The following GLRA3 variants were observed in gnomAD, a reference collection of about 807,000 sequenced individuals.
GLRA3 encodes glycine receptor alpha 3, also known as glycine receptor subunit alpha-3.
GLRA3 carries 44 observed loss-of-function variants against 60.4 expected under a neutral mutation model. The observed-to-expected ratio is 0.73, with a 90% CI of 0.57 to 0.94. The LOEUF (loss-of-function observed/expected upper bound fraction) is 0.94, where lower values mean the gene tolerates loss of function less well. Ranked by LOEUF, GLRA3 falls within the 40% of genes least tolerant of loss-of-function variation. The pLI is 0.00. For missense variants in GLRA3, 508 were observed against 564.6 expected (o/e 0.90, Z 1.02); for synonymous variants, 223 against 192.9 (o/e 1.16, Z -1.29).
intron 3 of GLRA3, among the ~76,000 whole-genome samples, chr4:174,732,715 T>C (rs1199354305): frequency 6.6e-6 from 1 of 152,094 alleles, no homozygotes; most frequent in Non-Finnish European, 1.5e-5. Context: ...ATGCTGGAGA[T>C]ATAATGTATG....
At position 174,659,178 on chromosome 4, in the gene GLRA3, A is replaced by C; in HGVS notation, c.947T>G (p.Ile316Ser). 6.2e-7 allele frequency: 1 copy of C among 1,612,294 alleles called. No homozygotes were observed. Among genetic ancestry groups the C allele is most frequent in the Non-Finnish European group, 8.5e-7 (1 of 1,178,964 alleles). ...GAGGCATACTGCCATCCAAATATCA[A>C]TAGCTTTGACATATGAAACCTAGCC... ...SLPKVSYVKA[I>S]DIWMAVCLLF... Residue 316 changes from isoleucine to serine, a missense_variant, in exon 8 of 10, where the codon ATT becomes AGT. Ile to Ser is a moderately radical substitution (Grantham distance 142, BLOSUM62 -2). Transcript: ENST00000274093.
At chr4:174,756,299 G>C (rs1579558093) in intron 3 of GLRA3, among the ~76,000 whole-genome samples, 1 of 152,258 alleles carries the variant, frequency 6.6e-6, no homozygotes, top group East Asian at 1.9e-4. Flanking sequence ...TCTTGACATT[G>C]TAAGAAAATA....
chr4:174,775,307 A>G (rs1393832055), intron 2 of GLRA3, among the ~76,000 whole-genome samples: 1 of 152,190 alleles, frequency 6.6e-6, no homozygotes, highest in Non-Finnish European at 1.5e-5. Context: ...ATTTACCCTA[A>G]TAAAAATGCA....
At chr4:174,670,221 A>G (rs1171236472) in intron 7 of GLRA3, among the ~76,000 whole-genome samples, 1 of 152,140 alleles carries the variant, frequency 6.6e-6, no homozygotes, top group Non-Finnish European at 1.5e-5. Context: ...CTAAATTATA[A>G]TTGTGACCTC....
intron 7 of GLRA3, among the ~76,000 whole-genome samples, chr4:174,668,543 T>C (rs1451392597): frequency 1.3e-5 from 2 of 152,318 alleles, no homozygotes; most frequent in Non-Finnish European, 2.9e-5. Flanking sequence ...TTACAGCTTA[T>C]AGACAACAAT....
intron 3 of GLRA3, among the ~76,000 whole-genome samples, chr4:174,736,982 C>T (rs919620866): frequency 3.9e-5 from 6 of 152,140 alleles, no homozygotes; most frequent in Non-Finnish European, 5.9e-5. Context: ...CAGGATCATA[C>T]TGATGCTTGT....
chr4:174,745,264 G>C (rs1737196675), intron 3 of GLRA3, among the ~76,000 whole-genome samples: 2 of 152,246 alleles, frequency 1.3e-5, no homozygotes, highest in South Asian at 4.1e-4. Flanking sequence ...AGTCTAGCAG[G>C]ATATTTAGAC....
In GLRA3 at chr4:174,728,564, G is replaced by A; in HGVS notation, c.402C>T (p.Ala134=). ...CATGAAAGTTGGCACCCTTTTCATT[G>A]GCAAAGAACAAATCAGGTTTCCAAA... ...DSIWKPDLFF[A]NEKGANFHEV... The change falls in exon 4 of 10, where the codon GCC becomes GCT. Residue 134 remains alanine (A), a synonymous_variant. Coordinates refer to ENST00000274093, the MANE Select transcript of GLRA3 (RefSeq NM_006529.4). The A allele has an allele frequency of 6.2e-7, 1 of 1,612,984 alleles. No individual in the cohort carries two copies. The highest frequency in any genetic ancestry group is 8.5e-7 in the Non-Finnish European group (1 of 1,179,024).
intron 1 of GLRA3, among the ~76,000 whole-genome samples, chr4:174,790,205 G>T (rs1429221528): frequency 6.6e-6 from 1 of 152,068 alleles, no homozygotes; most frequent in Non-Finnish European, 1.5e-5. Context: ...TGTTTCCCCA[G>T]TGACTCTCAT....
At chr4:174,780,841 G>A (rs909008341) in intron 2 of GLRA3, among the ~76,000 whole-genome samples, 19 of 152,188 alleles carry the variant, frequency 1.2e-4, no homozygotes, top group Non-Finnish European at 1.9e-4. Context: ...ACAAAGAGAC[G>A]TAGACACCCA....
At chr4:174,769,719 C>G (rs573663654) in intron 2 of GLRA3, among the ~76,000 whole-genome samples, 1 of 152,154 alleles carries the variant, frequency 6.6e-6, no homozygotes, top group Admixed American at 6.6e-5. Flanking sequence ...TTTATTTCTT[C>G]ATTTTAGTGG....
In GLRA3 at chr4:174,643,318, T is replaced by TC; in HGVS notation, c.*467dup. On this transcript the variant is annotated 3_prime_UTR_variant, in exon 10 of 10. Transcript: ENST00000274093. ...AATCCTCCATTAATATGAGTGAATT[T>TC]CCCACTGTAACTAATTATTTTCCCA... 1 of 666,766 alleles carries TC rather than the reference T, an allele frequency of 1.5e-6. No homozygotes were observed. The highest frequency in any genetic ancestry group is 1.8e-6 in the Non-Finnish European group (1 of 540,684). 41.3% of individuals were successfully genotyped at this position (666,766 alleles called of 1,614,324 possible).
chr4:174,637,658 T>C lies in GLRA3; in HGVS notation c.*6128A>G, dbSNP rs1294251406. The C allele has an allele frequency of 3.3e-5, 5 of 152,230 alleles. No individual in the cohort carries two copies. The highest frequency in any genetic ancestry group is 7.2e-5 in the African/African-American group (3 of 41,476). 9.4% of individuals were successfully genotyped at this position (152,230 alleles called of 1,614,324 possible). A position where few individuals can be genotyped will look rare whatever the true frequency, so the allele number is the denominator to read the frequency against. On this transcript the variant is annotated 3_prime_UTR_variant, in exon 10 of 10. Transcript: ENST00000274093. ...ATTAAAATAAAACAACTTAATCCCC[T>C]GTACTTTTGTTATAGCTTTACTCTA...
intron 1 of GLRA3, among the ~76,000 whole-genome samples, chr4:174,824,496 G>A (rs905644727): frequency 9.9e-5 from 15 of 152,072 alleles, no homozygotes; most frequent in Non-Finnish European, 1.0e-4. Context: ...ATATTCCATC[G>A]TGAAGCAATG....
chr4:174,828,907 G>T lies in GLRA3; in HGVS notation c.-96C>A. On this transcript the variant is annotated 5_prime_UTR_variant, in exon 1 of 10. Transcript: ENST00000274093. ...AAAATGTACAATCTAACCCCGCATG[G>T]TGTTGGTGTAGACTGATGCTTGGGA... 1 of 873,548 alleles carries T rather than the reference G, an allele frequency of 1.1e-6. No individual in the cohort carries two copies. Among genetic ancestry groups the T allele is most frequent in the East Asian group, 2.4e-5 (1 of 41,202 alleles). 54.1% of individuals were successfully genotyped at this position (873,548 alleles called of 1,614,324 possible).
rs537859327 is a variant in GLRA3, at chr4:174,640,257, T to C, written c.*3529A>G. 3 of 152,232 alleles carry C rather than the reference T, an allele frequency of 2.0e-5. No individual in the cohort carries two copies. Among genetic ancestry groups the C allele is most frequent in the South Asian group, 2.1e-4 (1 of 4,820 alleles). 9.4% of individuals were successfully genotyped at this position (152,232 alleles called of 1,614,324 possible). On this transcript the variant is annotated 3_prime_UTR_variant, in exon 10 of 10. Transcript: ENST00000274093. ...AGTTTTGTTCTTAGAGTGTTCTAAA[T>C]TTTTAGGGGACACCTGTGAAAAACA...
chr4:174,677,364 T>C (rs1235148627), intron 6 of GLRA3, 72 bp from the exon 7 acceptor site: 2 of 883,388 alleles, frequency 2.3e-6, no homozygotes, highest in East Asian at 2.5e-5. Flanking sequence ...TATCACAATT[T>C]CTCTTTTTTT....
chr4:174,772,447 G>C (rs1738428567), intron 2 of GLRA3, among the ~76,000 whole-genome samples: 1 of 152,112 alleles, frequency 6.6e-6, no homozygotes. Context: ...GTGTGATTTG[G>C]TTCCCATTTG....
At chr4:174,683,995 T>G (rs1579440298) in intron 5 of GLRA3, among the ~76,000 whole-genome samples, 1 of 152,300 alleles carries the variant, frequency 6.6e-6, no homozygotes, top group Non-Finnish European at 1.5e-5. Context: ...TTTCCATCCT[T>G]TATAAATAGT....
Sources: gnomAD v4.1 joint callset for allele counts (sites outside exome capture counted in the v4.1 genomes callset) on GRCh38, gnomAD v4.1.1 for gene constraint, MANE v1.5 for transcripts, NCBI Gene and HGNC (gene_info 2026-07-23, HGNC 2026-07-21) for gene names.